Variants in MYH14 observed in about 807,000 individuals in gnomAD.
MYH14 encodes myosin-14.
Under a neutral mutation model 255.5 loss-of-function variants are expected in MYH14, and 123 were observed. The ratio of observed to expected loss-of-function variants is 0.48; its 90% CI spans 0.42 to 0.56. The LOEUF (loss-of-function observed/expected upper bound fraction) is 0.56, where lower values mean the gene tolerates loss of function less well. Among genes scored for constraint, MYH14 ranks in the 20% least tolerant of loss-of-function variants. The pLI is 0.00. For synonymous variants in MYH14, 1,095 were observed against 1,161.2 expected (o/e 0.94, Z 1.16); for missense variants, 2,423 against 2,802.3 (o/e 0.86, Z 3.06).
rs141329946 is a variant in MYH14 at position 50,297,042 on chromosome 19, G to A, written c.5469+3355G>A. ...GCTCTGTCACCCAGACTGGAGTGCCGTGGTGTGATCTTGGCTCACTGCAAC... is the reference window on the plus strand; with the variant it reads ...GCTCTGTCACCCAGACTGGAGTGCCATGGTGTGATCTTGGCTCACTGCAAC... On this transcript the variant is annotated intron_variant, in intron 39 of 42. Coordinates refer to ENST00000642316, the MANE Select transcript of MYH14 (RefSeq NM_001145809.2). 2.7e-3 allele frequency among the ~76,000 whole-genome samples: 411 copies of A among 152,120 alleles called. 3 individuals are homozygous for A. The highest frequency in any genetic ancestry group is 9.4e-3 in the African/African-American group (391 of 41,496).
At chr19:50,260,822 A>AGTGTGTGTGCATGCACGTGTGTGCGT (rs2034812127) in intron 20 of MYH14, 107 bp downstream of exon 20, 1 of 744,490 alleles carries the variant, frequency 1.3e-6, no homozygotes, top group East Asian at 2.7e-5. Context: ...TGTGTGTGCA[A>AGTGTGTGTGCATGCACGTGTGTGCGT]GTGTGTGTGC....
At chr19:50,307,862 G>C (rs971136307) in intron 41 of MYH14, among the ~76,000 whole-genome samples, 1 of 152,204 alleles carries the variant, frequency 6.6e-6, no homozygotes, top group African/African-American at 2.4e-5. Flanking sequence ...AAGCTCAGCT[G>C]TGCTTTATTC....
chr19:50,246,723 G>A (rs995743421), intron 11 of MYH14, among the ~76,000 whole-genome samples: 3 of 152,224 alleles, frequency 2.0e-5, no homozygotes, highest in Non-Finnish European at 4.4e-5. Flanking sequence ...GGGCACTGAG[G>A]TTGTTTCCTA....
chr19:50,255,536 C>T lies in MYH14; in HGVS notation c.2044+218C>T, dbSNP rs933542708. 2.6e-5 allele frequency among the ~76,000 whole-genome samples: 4 copies of T among 152,274 alleles called. No individual in the cohort carries two copies. In the South Asian group the frequency reaches 8.3e-4, roughly 32 times the overall value. On this transcript the variant is annotated intron_variant, in intron 17 of 42. Coordinates refer to ENST00000642316, the MANE Select transcript of MYH14 (RefSeq NM_001145809.2). The stretch of plus-strand genomic sequence containing the variant: ...AACTGCATGTAAAAGTACAAACAAG[C>T]GTGATAGTACCAGCTCGCGTTTCTT...
chr19:50,206,435 A>G (rs1175782524), intron 1 of MYH14, among the ~76,000 whole-genome samples: 1 of 151,260 alleles, frequency 6.6e-6, no homozygotes, highest in East Asian at 2.0e-4. Context: ...GGTGGGGGTG[A>G]GGGTAAAGTC....
In MYH14 at chr19:50,276,927, AG is replaced by A; in HGVS notation, c.3825+32del. ...GTGGGTTGGGGCAGGGGGACAGGGCAGGGGGGCCACGGGGAGGGCAGGGCAG... is the reference window on the plus strand; with the variant it reads ...GTGGGTTGGGGCAGGGGGACAGGGCAGGGGGCCACGGGGAGGGCAGGGCAG... On this transcript the variant is annotated intron_variant, in intron 29 of 42. Transcript: ENST00000642316. The surrounding 1 kb of genome is among the most constrained non-coding windows in gnomAD (Gnocchi z 4.3). The A allele has an allele frequency of 9.8e-6, 6 of 613,346 alleles. No homozygotes were observed. Among genetic ancestry groups the A allele is most frequent in the South Asian group, 2.4e-5 (1 of 41,320 alleles). 38.0% of individuals were successfully genotyped at this position (613,346 alleles called of 1,614,324 possible). A position where few individuals can be genotyped will look rare whatever the true frequency, so the allele number is the denominator to read the frequency against.
At chr19:50,295,571 C>A (rs2036239585) in intron 39 of MYH14, among the ~76,000 whole-genome samples, 1 of 151,892 alleles carries the variant, frequency 6.6e-6, no homozygotes, top group African/African-American at 2.4e-5. Flanking sequence ...TGGTGGATTG[C>A]TTTTAGCGTA....
chr19:50,267,022 G>T lies in MYH14; in HGVS notation c.2826+14G>T. On this transcript the variant is annotated intron_variant, in intron 23 of 42. Coordinates refer to ENST00000642316, the MANE Select transcript of MYH14 (RefSeq NM_001145809.2). ...CGAGTGGCACAGGTGAGGGGGCGGG[G>T]GCAGGGCGTGGGGGCGTGTCTTCGG... 1 of 1,545,760 alleles carries T rather than the reference G, an allele frequency of 6.5e-7. No homozygotes were observed. The highest frequency in any genetic ancestry group is 2.4e-5 in the East Asian group (1 of 41,972).
intron 39 of MYH14, among the ~76,000 whole-genome samples, chr19:50,299,669 G>T (rs1433101232): frequency 1.3e-5 from 2 of 152,100 alleles, no homozygotes; most frequent in Non-Finnish European, 2.9e-5. Flanking sequence ...ATCTGGCCGG[G>T]CGTGATGGCT....
rs1166729424 is a variant in MYH14, at chr19:50,252,830, GT to G, written c.1945+80del. 1 of 1,056,758 alleles carries G rather than the reference GT, an allele frequency of 9.5e-7. No homozygotes were observed. The highest frequency in any genetic ancestry group is 1.4e-6 in the Non-Finnish European group (1 of 718,346). 65.5% of individuals were successfully genotyped at this position (1,056,758 alleles called of 1,614,324 possible). A position where few individuals can be genotyped will look rare whatever the true frequency, so the allele number is the denominator to read the frequency against. On this transcript the variant is annotated intron_variant, in intron 16 of 42. Transcript: ENST00000642316. This position sits in a 1 kb window ranked among gnomAD's most constrained non-coding sequence, Gnocchi z 4.2. The stretch of plus-strand genomic sequence containing the variant: ...CCAAATCCACAGCGTGAGCACCTTT[GT>G]TTCAGAGGCGGAGGTCTGAACCTGA...
intron 1 of MYH14, among the ~76,000 whole-genome samples, chr19:50,204,830 GGC>G (rs1435772171): frequency 6.6e-6 from 1 of 152,136 alleles, no homozygotes; most frequent in African/African-American, 2.4e-5. Flanking sequence ...AGGAGGTCAA[GGC>G]TGCAGTGAGC....
intron 15 of MYH14, among the ~76,000 whole-genome samples, chr19:50,251,521 T>TAC (rs56728213): frequency 0.028 from 2,066 of 72,554 alleles, 25 homozygotes; most frequent in African/African-American, 0.04. Flanking sequence ...ATATACACAC[T>TAC]ACACACACAC....
In MYH14 at chr19:50,229,257, G is replaced by A. The variant is rs577797174; in HGVS notation, c.875-1268G>A. 3.3e-5 allele frequency among the ~76,000 whole-genome samples: 5 copies of A among 152,296 alleles called. No homozygotes were observed. The East Asian group carries it at 5.8e-4, about 18-fold the overall frequency. ...GACCTCAGGTTTGCAGCTGATCTTG[G>A]TCCAAATATGTATTTGGTGGTGCAT... On this transcript the variant is annotated intron_variant, in intron 8 of 42. Coordinates refer to ENST00000642316, the MANE Select transcript of MYH14 (RefSeq NM_001145809.2).
intron 40 of MYH14, among the ~76,000 whole-genome samples, 189 bp from the exon 41 acceptor site, chr19:50,306,860 A>C (rs1463537014): frequency 2.6e-5 from 4 of 152,228 alleles, no homozygotes; most frequent in African/African-American, 7.2e-5. Flanking sequence ...AGCCAAGGAC[A>C]TGGATGCCGA....
chr19:50,286,743 G>A (rs764847407), intron 34 of MYH14, 49 bp downstream of exon 34: 32 of 1,458,218 alleles, frequency 2.2e-5, no homozygotes, highest in Admixed American at 1.6e-4. Context: ...GGGGAGACAC[G>A]TACATGCATG....
At chr19:50,242,521 G>C (rs769601082) in intron 10 of MYH14, among the ~76,000 whole-genome samples, 1 of 152,092 alleles carries the variant, frequency 6.6e-6, no homozygotes, top group African/African-American at 2.4e-5. Flanking sequence ...AGAACAGTAT[G>C]GGGGAAACAG....
Position 50,248,520 on chromosome 19 carries a change from G to A in MYH14, c.1330-467G>A, listed in dbSNP as rs149456032. The stretch of plus-strand genomic sequence containing the variant: ...AGTGAGGTACCTGGATGAAGACCCC[G>A]TGGGGGAGATGAGGAGTCTGGGAGC... On this transcript the variant is annotated intron_variant, in intron 12 of 42. Transcript: ENST00000642316. 6.3e-4 allele frequency among the ~76,000 whole-genome samples: 96 copies of A among 152,308 alleles called. 3 individuals carry two copies. In the East Asian group the frequency reaches 0.015, roughly 24 times the overall value.
chr19:50,252,436 A>G lies in MYH14; in HGVS notation c.1831-203A>G, dbSNP rs1432493454. Among the ~76,000 whole-genome samples, 2 of 151,976 alleles carry G rather than the reference A, an allele frequency of 1.3e-5. No homozygotes were observed. The highest frequency in any genetic ancestry group is 4.8e-5 in the African/African-American group (2 of 41,374). On this transcript the variant is annotated intron_variant, in intron 15 of 42. Transcript: ENST00000642316. This position sits in a 1 kb window ranked among gnomAD's most constrained non-coding sequence, Gnocchi z 4.2. ...TGGTGGTGGAGGTCACAGAGGTGGCAGGGGGCATAGAGGGGAAGGAGAGAG... is the reference window on the plus strand; with the variant it reads ...TGGTGGTGGAGGTCACAGAGGTGGCGGGGGGCATAGAGGGGAAGGAGAGAG...
Position 50,309,849 on chromosome 19 carries a change from C to T in MYH14, c.*59C>T, listed in dbSNP as rs1030330334. The T allele has an allele frequency of 6.6e-6, 10 of 1,522,470 alleles. No individual in the cohort carries two copies. The African/African-American group carries it at 9.7e-5, about 15-fold the overall frequency. The allele number at this position is 1,522,470 out of a possible 1,614,324, so 94.3% of individuals were successfully genotyped here. A position where few individuals can be genotyped will look rare whatever the true frequency, so the allele number is the denominator to read the frequency against. On this transcript the variant is annotated 3_prime_UTR_variant, in exon 43 of 43. Transcript: ENST00000642316. ...GGCCCAGCCCCCTTCCTCCCTGGAC[C>T]CCACGGGCCCCTGTCCCAGGAACCC...
Sources: allele counts gnomAD v4.1 joint callset (sites outside exome capture counted in the v4.1 genomes callset), GRCh38; gene constraint gnomAD v4.1.1; non-coding constraint Gnocchi (gnomAD v3.1); transcripts MANE v1.5; gene names NCBI Gene and HGNC (gene_info 2026-07-23, HGNC 2026-07-21).